Variants in ZNF37A observed in about 807,000 individuals in gnomAD.
ZNF37A encodes the protein zinc finger protein 37A.
ZNF37A carries 10 observed loss-of-function variants against 12.3 expected under a neutral mutation model. The observed-to-expected ratio is 0.82, with a 90% CI of 0.50 to 1.38. The LOEUF (loss-of-function observed/expected upper bound fraction) is 1.38. ZNF37A is among the 40% of genes most tolerant of loss of function. The pLI is 0.00. For synonymous variants in ZNF37A, 207 were observed against 223.0 expected (o/e 0.93, Z 0.64); for missense variants, 580 against 651.2 (o/e 0.89, Z 1.19).
intron 1 of ZNF37A, 140 bp downstream of exon 1, chr10:38,094,630 C>G (rs1459061018): frequency 1.3e-5 from 2 of 152,504 alleles, no homozygotes; most frequent in East Asian, 3.9e-4. Flanking sequence ...ATGCGCAAGT[C>G]CCGCGCCTGT....
intron 7 of ZNF37A, among the ~76,000 whole-genome samples, chr10:38,116,140 A>C (rs2069253353): frequency 6.6e-6 from 1 of 152,208 alleles, no homozygotes; most frequent in Non-Finnish European, 1.5e-5. Flanking sequence ...GAAGCCTGAA[A>C]AAATTTGTGT....
chr10:38,134,809 T>C (rs1235823296), intron 7 of ZNF37A, among the ~76,000 whole-genome samples: 3 of 152,234 alleles, frequency 2.0e-5, no homozygotes, highest in Admixed American at 6.5e-5. Flanking sequence ...GGACCACTAC[T>C]GTCTTCGAAG....
chr10:38,141,515 A>C (rs1031398857), intron 7 of ZNF37A: 2 of 152,204 alleles, frequency 1.3e-5, no homozygotes, highest in Admixed American at 1.3e-4. Flanking sequence ...AAAGATTGAG[A>C]CACTGTCACA....
chr10:38,111,089 C>T (rs572945359), intron 5 of ZNF37A, among the ~76,000 whole-genome samples: 27 of 152,220 alleles, frequency 1.8e-4, no homozygotes, highest in African/African-American at 6.5e-4. Flanking sequence ...AACCCAAATG[C>T]CCATCAGTAA....
Position 38,118,618 on chromosome 10 carries a change from T to C in ZNF37A, c.1467T>C (p.His489=). 6.2e-6 allele frequency: 10 copies of C among 1,605,532 alleles called. No homozygotes were observed. Among genetic ancestry groups the C allele is most frequent in the Non-Finnish European group, 8.5e-6 (10 of 1,174,786 alleles). The change falls in exon 8 of 8, where the codon CAT becomes CAC. Residue 489 remains histidine, a synonymous_variant. Coordinates refer to ENST00000685332, the MANE Select transcript of ZNF37A (RefSeq NM_001324250.3). ...CCCTAATTGTTCACCAGAGAACTCA[T>C]ATAAGACAGAAACCCTATGGATGTA... ...KSALIVHQRT[H]IRQKPYGCNQ... is the part of the protein sequence containing the mutation.
rs1239222073 is a variant in ZNF37A at position 38,120,012 on chromosome 10, A to G, written c.*1175A>G. On this transcript the variant is annotated 3_prime_UTR_variant, in exon 8 of 8. Coordinates refer to ENST00000685332, the MANE Select transcript of ZNF37A (RefSeq NM_001324250.3). ...AGATGTCTAACACATAAGCCAGGAC[A>G]TTCTGCTGTGAGTGACTTATTGTAC... 2 of 152,262 alleles carry G rather than the reference A, an allele frequency of 1.3e-5. No homozygotes were observed. The highest frequency in any genetic ancestry group is 4.8e-5 in the African/African-American group (2 of 41,464). The allele number at this position is 152,262 out of a possible 1,614,324, so 9.4% of individuals were successfully genotyped here. A position where few individuals can be genotyped will look rare whatever the true frequency, so the allele number is the denominator to read the frequency against.
chr10:38,098,227 A>G (rs1161469736), intron 5 of ZNF37A, among the ~76,000 whole-genome samples: 2 of 152,200 alleles, frequency 1.3e-5, no homozygotes, highest in Non-Finnish European at 2.9e-5. Context: ...GTTGATGGAC[A>G]TTGGGGGTCA....
intron 5 of ZNF37A, among the ~76,000 whole-genome samples, chr10:38,103,033 T>C (rs1052843506): frequency 6.6e-6 from 1 of 152,174 alleles, no homozygotes; most frequent in African/African-American, 2.4e-5. Context: ...TTTGATGTTA[T>C]CATAATTATA....
At chr10:38,113,205 A>ATTTTTT (rs71007697) in intron 5 of ZNF37A, among the ~76,000 whole-genome samples, 78 of 75,836 alleles carry the variant, frequency 1.0e-3, no homozygotes, top group Non-Finnish European at 1.1e-3. Flanking sequence ...TTAGTCTGTG[A>ATTTTTT]TTTTTTTTTT....
rs776817012 is a variant in ZNF37A at position 38,120,054 on chromosome 10, C to G, written c.*1217C>G. On this transcript the variant is annotated 3_prime_UTR_variant, in exon 8 of 8. Coordinates refer to ENST00000685332, the MANE Select transcript of ZNF37A (RefSeq NM_001324250.3). ...TTATTGTACCCAACTCTATTTCTCT[C>G]CATACTGAAACATGTCTTTCATAGG... The G allele has an allele frequency of 6.6e-6, 1 of 152,196 alleles. No individual in the cohort carries two copies. The highest frequency in any genetic ancestry group is 1.5e-5 in the Non-Finnish European group (1 of 68,052). 9.4% of individuals were successfully genotyped at this position (152,196 alleles called of 1,614,324 possible).
chr10:38,119,404 G>A lies in ZNF37A; in HGVS notation c.*567G>A. ...ACTATAGGAAAGCATTTACTATGAG[G>A]TTATATTTTATGGAGTATATGTAAT... On this transcript the variant is annotated 3_prime_UTR_variant, in exon 8 of 8. Coordinates refer to ENST00000685332, the MANE Select transcript of ZNF37A (RefSeq NM_001324250.3). 1 of 989,402 alleles carries A rather than the reference G, an allele frequency of 1.0e-6. No individual in the cohort carries two copies. Among genetic ancestry groups the A allele is most frequent in the Non-Finnish European group, 1.2e-6 (1 of 830,490 alleles). The allele number at this position is 989,402 out of a possible 1,614,324, so 61.3% of individuals were successfully genotyped here.
At chr10:38,095,839 A>G (rs2067106261) in intron 4 of ZNF37A, 35 bp downstream of exon 4, 1 of 152,288 alleles carries the variant, frequency 6.6e-6, no homozygotes, top group Middle Eastern at 3.4e-3. Context: ...TTAAATCCAA[A>G]GATTGTTTTG....
intron 7 of ZNF37A, among the ~76,000 whole-genome samples, chr10:38,130,617 T>G (rs1315264520): frequency 6.6e-6 from 1 of 151,876 alleles, no homozygotes; most frequent in Admixed American, 6.6e-5. Context: ...TGCACCACCA[T>G]GCCCAGCTAA....
chr10:38,137,679 T>C (rs1302083782), intron 7 of ZNF37A: 2 of 152,200 alleles, frequency 1.3e-5, no homozygotes, highest in Admixed American at 6.5e-5. Context: ...CATGAGACTA[T>C]AGAGACTGTG....
intron 5 of ZNF37A, among the ~76,000 whole-genome samples, chr10:38,112,736 T>TCGGTCTCGGTCTCGGTCTCGG (rs1564931750): frequency 5.8e-5 from 1 of 17,106 alleles, no homozygotes; most frequent in Non-Finnish European, 1.2e-4. Context: ...ATCCATTTTC[T>TCGGTCTCGGTCTCGGTCTCGG]TTTCTTTTCT....
chr10:38,112,802 T>A (rs867598996), intron 5 of ZNF37A, among the ~76,000 whole-genome samples: 3 of 69,082 alleles, frequency 4.3e-5, no homozygotes, highest in Non-Finnish European at 9.6e-5. Flanking sequence ...TTTCTTGTCT[T>A]GTCTTGTCTT....
intron 4 of ZNF37A, among the ~76,000 whole-genome samples, chr10:38,096,102 G>A (rs769157023): frequency 1.8e-4 from 27 of 152,034 alleles, no homozygotes; most frequent in Non-Finnish European, 2.5e-4. Flanking sequence ...AGGAGGTTGC[G>A]GTGAGTCGAG....
At chr10:38,127,346 A>G (rs1426722057), downstream of ZNF37A, among the ~76,000 whole-genome samples, 2 of 152,202 alleles carry the variant, frequency 1.3e-5, no homozygotes, top group Admixed American at 6.5e-5. Context: ...CACTTACGCT[A>G]ACCACTTTCT....
At chr10:38,113,075 G>T (rs1298074171) in intron 5 of ZNF37A, among the ~76,000 whole-genome samples, 1 of 151,928 alleles carries the variant, frequency 6.6e-6, no homozygotes, top group Non-Finnish European at 1.5e-5. Context: ...CAAAGTGCTG[G>T]GATTACAGGC....
Sources: allele counts gnomAD v4.1 joint callset (sites outside exome capture counted in the v4.1 genomes callset), GRCh38; gene constraint gnomAD v4.1.1; transcripts MANE v1.5; gene names NCBI Gene and HGNC (gene_info 2026-07-23, HGNC 2026-07-21).